The following CUX1 variants were observed in gnomAD, a reference collection of about 807,000 sequenced individuals.
CUX1 encodes the protein protein CASP.
A neutral mutation model predicts 158.8 loss-of-function variants in CUX1; 31 were observed. That is an observed-to-expected ratio of 0.20 (90% CI 0.15 to 0.26). CUX1 has a LOEUF of 0.26. Among genes scored for constraint, CUX1 ranks in the 10% least tolerant of loss-of-function variants. The pLI is 1.00. For missense variants in CUX1, 1,589 were observed against 2,014.6 expected, an observed-to-expected ratio of 0.79 and a Z score of 4.04; for synonymous variants, 879 against 862.1, an observed-to-expected ratio of 1.02 and a Z score of -0.34.
chr7:102,102,806 T>G (rs1193823772), intron 5 of CUX1, among the ~76,000 whole-genome samples: 1 of 152,190 alleles, frequency 6.6e-6, no homozygotes, highest in African/African-American at 2.4e-5. Context: ...GGGGCCACAG[T>G]GCTTTTCCAC....
intron 3 of CUX1, among the ~76,000 whole-genome samples, chr7:102,036,722 A>G (rs1821460759): frequency 6.6e-6 from 1 of 151,676 alleles, no homozygotes; most frequent in Non-Finnish European, 1.5e-5. Flanking sequence ...AGCCTGGCCC[A>G]CAGAGTGAGA....
In CUX1 at chr7:101,830,960, T is replaced by A. The variant is rs548746728; in HGVS notation, c.30+13291T>A. Among the ~76,000 whole-genome samples the A allele has an allele frequency of 9.9e-5, 15 of 152,280 alleles. No homozygotes were observed. In the South Asian group the frequency reaches 3.1e-3, roughly 32 times the overall value. ...GTTGTTGGGGCCGTGCATCCATTCGTGTTCTGAGCACACTCCATGGTACCT... is the reference window on the plus strand; with the variant it reads ...GTTGTTGGGGCCGTGCATCCATTCGAGTTCTGAGCACACTCCATGGTACCT... On this transcript the variant is annotated intron_variant, in intron 1 of 23. Transcript: ENST00000292535.
intron 6 of CUX1, 43 bp downstream of exon 6, chr7:102,104,502 G>A (rs782562464): frequency 1.0e-5 from 16 of 1,597,150 alleles, no homozygotes; most frequent in East Asian, 2.2e-5. Flanking sequence ...CATAGCATTT[G>A]CCCCTGAACT....
intron 3 of CUX1, among the ~76,000 whole-genome samples, chr7:102,053,618 C>A (rs776530886): frequency 6.6e-6 from 1 of 152,036 alleles, no homozygotes; most frequent in Non-Finnish European, 1.5e-5. Context: ...GGTAACCATC[C>A]TTCTACTTTC....
chr7:102,201,973 C>T lies in CUX1; in HGVS notation c.2676C>T (p.Ser892=). The T allele has an allele frequency of 6.2e-7, 1 of 1,614,084 alleles. No homozygotes were observed. The highest frequency in any genetic ancestry group is 8.5e-7 in the Non-Finnish European group (1 of 1,180,014). ...WPSAESPYSQ[S]SELSLTGASR... is the part of the protein sequence containing the mutation. Reference sequence around the variant, plus strand: ...GCGCTGAGTCCCCATACTCCCAGAGCTCAGAGCTGAGTCTGACCGGGGCCA... The same window carrying T: ...GCGCTGAGTCCCCATACTCCCAGAGTTCAGAGCTGAGTCTGACCGGGGCCA... Residue 892 remains serine (S), a synonymous_variant, in exon 18 of 24, where the codon AGC becomes AGT. Transcript: ENST00000292535. This position sits in a 1 kb window ranked among gnomAD's most constrained non-coding sequence, Gnocchi z 5.0.
intron 2 of CUX1, among the ~76,000 whole-genome samples, chr7:102,013,125 C>CAAAAAAAA (rs35020263): frequency 1.8e-5 from 2 of 112,600 alleles, no homozygotes; most frequent in Admixed American, 9.3e-5. Context: ...GCCGTCATAC[C>CAAAAAAAA]AAAAAAAAAA....
intron 2 of CUX1, among the ~76,000 whole-genome samples, chr7:102,016,691 C>A (rs1172555408): frequency 6.6e-6 from 1 of 152,180 alleles, no homozygotes; most frequent in Admixed American, 6.5e-5. Context: ...CCCCTGGTGT[C>A]GGAATCCACA....
intron 1 of CUX1, among the ~76,000 whole-genome samples, chr7:101,870,715 A>T (rs144166815): frequency 6.6e-6 from 1 of 152,080 alleles, no homozygotes; most frequent in Non-Finnish European, 1.5e-5. Context: ...GCGGCAAACA[A>T]CCTTAAGTGG....
chr7:102,104,143 C>T (rs1381538509), intron 5 of CUX1, among the ~76,000 whole-genome samples, 193 bp from the exon 6 acceptor site: 1 of 151,794 alleles, frequency 6.6e-6, no homozygotes, highest in Non-Finnish European at 1.5e-5. Flanking sequence ...TCAGCCTAAA[C>T]GTTTAAAGTT....
chr7:102,192,450 G>A (rs1794381431), intron 12 of CUX1, among the ~76,000 whole-genome samples: 1 of 152,182 alleles, frequency 6.6e-6, no homozygotes, highest in Non-Finnish European at 1.5e-5. Flanking sequence ...GTAAAGATCT[G>A]TAGAATAGAT....
At chr7:101,893,386 C>A (rs1425663339) in intron 1 of CUX1, among the ~76,000 whole-genome samples, 2 of 151,900 alleles carry the variant, frequency 1.3e-5, no homozygotes, top group African/African-American at 2.4e-5. Context: ...AAATTTTAAT[C>A]TAGGAAACAA....
intron 15 of CUX1, 58 bp from the exon 16 acceptor site, chr7:102,198,744 T>A (rs554161457): frequency 6.8e-7 from 1 of 1,477,626 alleles, no homozygotes; most frequent in East Asian, 2.3e-5. Context: ...ACAGCCCATA[T>A]CGTCAACACC....
chr7:102,040,745 C>G (rs1190605246), intron 3 of CUX1, among the ~76,000 whole-genome samples: 1 of 152,178 alleles, frequency 6.6e-6, no homozygotes, highest in Non-Finnish European at 1.5e-5. Context: ...CCATGTGGTT[C>G]GCTCCAAAGA....
intron 6 of CUX1, among the ~76,000 whole-genome samples, chr7:102,105,095 C>G (rs1393989410): frequency 2.0e-5 from 3 of 152,136 alleles, no homozygotes; most frequent in Admixed American, 2.0e-4. Context: ...AAGCCCATTT[C>G]CCAGTGTGTG....
In CUX1 at chr7:102,234,033, G is replaced by T; in HGVS notation, c.3434-19G>T. Reference sequence around the variant, plus strand: ...GGCTCTCGGTGACAATACCTGTCTTGCTTCTGTTTTCTCTCTAGGCCAGCG... The same window carrying T: ...GGCTCTCGGTGACAATACCTGTCTTTCTTCTGTTTTCTCTCTAGGCCAGCG... On this transcript the variant is annotated intron_variant, in intron 21 of 23. Coordinates refer to ENST00000292535, the MANE Select transcript of CUX1 (RefSeq NM_181552.4). 6.9e-7 allele frequency: 1 copy of T among 1,452,490 alleles called. No individual in the cohort carries two copies. 90.0% of individuals were successfully genotyped at this position (1,452,490 alleles called of 1,614,324 possible).
chr7:102,078,073 TG>T (rs1175174094), intron 4 of CUX1, among the ~76,000 whole-genome samples: 1 of 152,204 alleles, frequency 6.6e-6, no homozygotes, highest in East Asian at 1.9e-4. Flanking sequence ...GTAATGTTTT[TG>T]GGGGTTTTTG....
chr7:102,231,655 C>T (rs1799006613), intron 21 of CUX1, among the ~76,000 whole-genome samples: 1 of 151,668 alleles, frequency 6.6e-6, no homozygotes, highest in Non-Finnish European at 1.5e-5. Context: ...CCGAACATAG[C>T]AAGCTCCTTG....
chr7:102,199,154 G>A (rs957828119), intron 16 of CUX1, among the ~76,000 whole-genome samples: 2 of 152,074 alleles, frequency 1.3e-5, no homozygotes, highest in South Asian at 2.1e-4. Context: ...CCGGTCCCCC[G>A]TTTTTCTCAG....
downstream of CUX1, among the ~76,000 whole-genome samples, chr7:102,259,563 G>C: frequency 6.6e-6 from 1 of 152,152 alleles, no homozygotes; most frequent in East Asian, 1.9e-4. Flanking sequence ...ACTCCGGCCT[G>C]GGCGATAGAG....
Sources: gnomAD v4.1 joint callset for allele counts (sites outside exome capture counted in the v4.1 genomes callset) on GRCh38, gnomAD v4.1.1 for gene constraint, Gnocchi (gnomAD v3.1) non-coding constraint, MANE v1.5 for transcripts, NCBI Gene and HGNC (gene_info 2026-07-23, HGNC 2026-07-21) for gene names.